The following TADA1 variants were observed in gnomAD, a reference collection of about 807,000 sequenced individuals.
TADA1 encodes the protein transcriptional adaptor 1, also known as transcriptional adapter 1.
Under a neutral mutation model 39.3 loss-of-function variants are expected in TADA1, and 23 were observed. That is an observed-to-expected ratio of 0.58 (90% CI 0.42 to 0.83). TADA1 has a LOEUF of 0.83. Among genes scored for constraint, TADA1 ranks in the 40% least tolerant of loss-of-function variants. TADA1 has a pLI of 0.00. For synonymous variants in TADA1, 137 were observed against 151.8 expected (o/e 0.90, Z 0.72); for missense variants, 352 against 408.1 (o/e 0.86, Z 1.18).
chr1:166,858,317 G>A, intron 6 of TADA1, 36 bp from the exon 7 acceptor site: 1 of 1,480,856 alleles, frequency 6.8e-7, no homozygotes, highest in South Asian at 1.4e-5. Flanking sequence ...TCCCAGCACA[G>A]AGACAACTGA....
intron 1 of TADA1, among the ~76,000 whole-genome samples, chr1:166,874,062 G>A (rs1365401226): frequency 6.6e-6 from 1 of 151,718 alleles, no homozygotes; most frequent in East Asian, 1.9e-4. Flanking sequence ...GTAAATTTTG[G>A]CTGGGCGCGG....
At chr1:166,873,827 A>C (rs745900050) in intron 1 of TADA1, among the ~76,000 whole-genome samples, 7 of 152,166 alleles carry the variant, frequency 4.6e-5, no homozygotes, top group Non-Finnish European at 7.3e-5. Flanking sequence ...TGGCCTTTAA[A>C]AACTAAATAA....
At chr1:166,863,282 G>C (rs911494144) in intron 4 of TADA1, 3 of 153,052 alleles carry the variant, frequency 2.0e-5, no homozygotes, top group African/African-American at 7.2e-5. Flanking sequence ...ATTGTTTATT[G>C]ATGTTAATCA....
intron 1 of TADA1, among the ~76,000 whole-genome samples, chr1:166,870,401 T>TC (rs1435269401): frequency 6.6e-6 from 1 of 152,220 alleles, no homozygotes; most frequent in Non-Finnish European, 1.5e-5. Context: ...ATCACAGACT[T>TC]CCAGCCTTCA....
At position 166,869,804 on chromosome 1, in the gene TADA1, T is replaced by C; in HGVS notation, c.125A>G (p.Glu42Gly). The C allele has an allele frequency of 6.2e-7, 1 of 1,614,016 alleles. No homozygotes were observed. Among genetic ancestry groups the C allele is most frequent in the South Asian group, 1.1e-5 (1 of 91,070 alleles). ...LWFKQKISKEEFDLEAHRLLT... is the reference protein window; with the variant it reads ...LWFKQKISKEGFDLEAHRLLT... Reference sequence around the variant, plus strand: ...AAGTCTATGAGCTTCAAGGTCAAACTCCTCTTTGCTGATCTTCTGCTTGAA... The same window carrying C: ...AAGTCTATGAGCTTCAAGGTCAAACCCCTCTTTGCTGATCTTCTGCTTGAA... Residue 42 changes from glutamate (E) to glycine (G), a missense_variant, in exon 2 of 8, where the codon GAG becomes GGG. Glu to Gly is a moderately conservative substitution (Grantham distance 98). Around this residue, in one of 3 missense-constraint regions of TADA1, gnomAD observed 36 missense variants for 72.0 expected, o/e 0.50. Coordinates refer to ENST00000367874, the MANE Select transcript of TADA1 (RefSeq NM_053053.4).
intron 2 of TADA1, 94 bp from the exon 3 acceptor site, chr1:166,869,604 C>T (rs1658612745): frequency 1.4e-6 from 2 of 1,426,372 alleles, no homozygotes; most frequent in Admixed American, 1.8e-5. Context: ...TTTGGATATC[C>T]CCTATTCTGC....
At chr1:166,869,215 T>C (rs1002351491) in intron 3 of TADA1, 2 of 493,098 alleles carry the variant, frequency 4.1e-6, no homozygotes, top group Non-Finnish European at 7.5e-6. Context: ...AATTAAAATG[T>C]ATGCCAAGAA....
At chr1:166,858,918 T>C (rs947750644) in intron 6 of TADA1, among the ~76,000 whole-genome samples, 4 of 152,264 alleles carry the variant, frequency 2.6e-5, no homozygotes, top group East Asian at 3.9e-4. Context: ...AAGTGGCCAA[T>C]AGAGAGGCAA....
chr1:166,872,644 C>A (rs1658682704), intron 1 of TADA1, among the ~76,000 whole-genome samples: 1 of 152,014 alleles, frequency 6.6e-6, no homozygotes, highest in South Asian at 2.1e-4. Flanking sequence ...TGCACTCCAG[C>A]CTGGGCAACA....
chr1:166,863,783 TTCAA>T, intron 4 of TADA1, 37 bp downstream of exon 4: 2 of 1,574,786 alleles, frequency 1.3e-6, no homozygotes, highest in East Asian at 2.2e-5. Flanking sequence ...ATGCCACTAC[TTCAA>T]TCAGTCATTA....
Position 166,866,806 on chromosome 1 carries a change from G to A in TADA1, c.232+2639C>T, listed in dbSNP as rs187384242. ...GTCACCCAGGCTGGAGTGCAGTGGCGCAATCTCGGCTCACTGCAACCTTCG... is the reference window on the plus strand; with the variant it reads ...GTCACCCAGGCTGGAGTGCAGTGGCACAATCTCGGCTCACTGCAACCTTCG... On this transcript the variant is annotated intron_variant, in intron 3 of 7. Coordinates refer to ENST00000367874, the MANE Select transcript of TADA1 (RefSeq NM_053053.4). Among the ~76,000 whole-genome samples the A allele has an allele frequency of 6.9e-3, 1,048 of 151,342 alleles. 7 individuals are homozygous for A. Among genetic ancestry groups the A allele is most frequent in the Non-Finnish European group, 0.01 (699 of 67,870 alleles).
At position 166,864,916 on chromosome 1, in the gene TADA1, T is replaced by A. The variant is rs974473966; in HGVS notation, c.233-995A>T. On this transcript the variant is annotated intron_variant, in intron 3 of 7. Coordinates refer to ENST00000367874, the MANE Select transcript of TADA1 (RefSeq NM_053053.4). ...TGGTACCCTACAGCAAAGCTCTCTGTATATGGGAATTTGGGAGACCCCCAG... is the reference window on the plus strand; with the variant it reads ...TGGTACCCTACAGCAAAGCTCTCTGAATATGGGAATTTGGGAGACCCCCAG... Among the ~76,000 whole-genome samples the A allele has an allele frequency of 2.0e-5, 3 of 152,170 alleles. No homozygotes were observed. In the South Asian group the frequency reaches 6.2e-4, roughly 31 times the overall value.
chr1:166,874,100 T>C (rs966425713), intron 1 of TADA1, among the ~76,000 whole-genome samples: 11 of 151,870 alleles, frequency 7.2e-5, no homozygotes, highest in Admixed American at 3.3e-4. Flanking sequence ...CCCAGCACTT[T>C]GGGAGGCCAA....
intron 3 of TADA1, among the ~76,000 whole-genome samples, chr1:166,864,316 T>C (rs1658480459): frequency 6.6e-6 from 1 of 152,150 alleles, no homozygotes; most frequent in African/African-American, 2.4e-5. Flanking sequence ...ATGGCACACT[T>C]GCACAACAGA....
At chr1:166,875,866 C>T (rs1441562955) in intron 1 of TADA1, among the ~76,000 whole-genome samples, 1 of 152,234 alleles carries the variant, frequency 6.6e-6, no homozygotes, top group African/African-American at 2.4e-5. Flanking sequence ...CCCGCACCTG[C>T]TCAGCAGGCC....
Position 166,857,581 on chromosome 1 carries a change from G to T in TADA1, c.994C>A (p.Leu332Ile). 1 of 1,614,048 alleles carries T rather than the reference G, an allele frequency of 6.2e-7. No homozygotes were observed. The highest frequency in any genetic ancestry group is 1.1e-5 in the South Asian group (1 of 91,054). Reference protein sequence around the residue: ...HRQRLAAKEGLLLC With the variant: ...HRQRLAAKEGILLC ...CAAATCCTAATTTAGCACAGCAAAA[G>T]CCCCTCCTTGGCTGCCAAGCGCTGG... Residue 332 changes from leucine to isoleucine, a missense_variant, in exon 8 of 8, where the codon CTT becomes ATT. This residue lies in a region of TADA1 where 285 missense variants were observed against 310.9 expected (regional missense o/e 0.92). Coordinates refer to ENST00000367874, the MANE Select transcript of TADA1 (RefSeq NM_053053.4).
At chr1:166,860,436 G>T in intron 5 of TADA1, 99 bp from the exon 6 acceptor site, 1 of 1,211,540 alleles carries the variant, frequency 8.3e-7, no homozygotes, top group Non-Finnish European at 1.2e-6. Context: ...TTTAGATGGA[G>T]ATGCAGAATA....
chr1:166,862,679 T>G (rs534168332), intron 4 of TADA1: 62 of 482,090 alleles, frequency 1.3e-4, no homozygotes, highest in Non-Finnish European at 2.1e-4. Context: ...GATCACAGAA[T>G]GTATGGCACT....
rs549229716 is a variant in TADA1, at chr1:166,856,790, C to T, written c.*777G>A. The T allele has an allele frequency of 2.0e-5, 3 of 152,736 alleles. No homozygotes were observed. The East Asian group carries it at 5.8e-4, about 29-fold the overall frequency. 9.5% of individuals were successfully genotyped at this position (152,736 alleles called of 1,614,324 possible). A position where few individuals can be genotyped will look rare whatever the true frequency, so the allele number is the denominator to read the frequency against. Reference sequence around the variant, plus strand: ...TCCTAGAAACTGGAGAATTACCAAGCATATATCCAATTTGTATAGATTTCT... The same window carrying T: ...TCCTAGAAACTGGAGAATTACCAAGTATATATCCAATTTGTATAGATTTCT... On this transcript the variant is annotated 3_prime_UTR_variant, in exon 8 of 8. Transcript: ENST00000367874.
Sources: allele counts gnomAD v4.1 joint callset (sites outside exome capture counted in the v4.1 genomes callset), GRCh38; gene constraint gnomAD v4.1.1; regional missense constraint gnomAD v4.1.1; transcripts MANE v1.5; gene names NCBI Gene and HGNC (gene_info 2026-07-23, HGNC 2026-07-21).